The following SDHAF3 variants were observed in gnomAD, a reference collection of about 807,000 sequenced individuals.
SDHAF3 encodes the protein succinate dehydrogenase complex assembly factor 3.
SDHAF3 carries 18 observed loss-of-function variants against 11.5 expected under a neutral mutation model. The observed-to-expected ratio is 1.56, with a 90% CI of 1.08 to 2.32. SDHAF3 has a LOEUF of 2.32. Ranked by LOEUF, SDHAF3 falls within the 30% of genes most tolerant of loss-of-function variation. SDHAF3 has a pLI of 0.00. For missense variants in SDHAF3, 200 were observed against 154.4 expected, an observed-to-expected ratio of 1.30 and a Z score of -1.57; for synonymous variants, 72 against 59.3, an observed-to-expected ratio of 1.21 and a Z score of -0.99.
At chr7:97,168,842 C>T (rs189942768) in intron 1 of SDHAF3, among the ~76,000 whole-genome samples, 83 of 152,226 alleles carry the variant, frequency 5.5e-4, no homozygotes, top group Non-Finnish European at 8.2e-4. Context: ...TTCTTACATA[C>T]TTATTCTTAT....
intron 1 of SDHAF3, among the ~76,000 whole-genome samples, chr7:97,125,992 G>A (rs1488320699): frequency 6.6e-6 from 1 of 152,180 alleles, no homozygotes; most frequent in Non-Finnish European, 1.5e-5. Flanking sequence ...GGGGTTTTGT[G>A]TGAGGGTCTT....
chr7:97,122,251 C>T (rs1791513021), intron 1 of SDHAF3, among the ~76,000 whole-genome samples: 1 of 152,156 alleles, frequency 6.6e-6, no homozygotes, highest in South Asian at 2.1e-4. Context: ...AAAGAGGTGG[C>T]AGGAGACAGG....
At chr7:97,146,237 C>A (rs1789131937) in intron 1 of SDHAF3, among the ~76,000 whole-genome samples, 1 of 151,822 alleles carries the variant, frequency 6.6e-6, no homozygotes, top group Non-Finnish European at 1.5e-5. Flanking sequence ...ATGTTTTGTC[C>A]TGTCTATTAT....
intron 1 of SDHAF3, among the ~76,000 whole-genome samples, chr7:97,139,236 A>G (rs1229096372): frequency 6.6e-6 from 1 of 152,214 alleles, no homozygotes; most frequent in Non-Finnish European, 1.5e-5. Context: ...GAAGAGTTTT[A>G]TTGAACAACA....
intron 1 of SDHAF3, among the ~76,000 whole-genome samples, chr7:97,119,239 C>G (rs540564586): frequency 6.6e-6 from 1 of 151,956 alleles, no homozygotes; most frequent in South Asian, 2.1e-4. Flanking sequence ...ATTTTGTGGC[C>G]GTACAGGAAG....
chr7:97,130,425 C>T (rs187937885), intron 1 of SDHAF3, among the ~76,000 whole-genome samples: 16 of 152,288 alleles, frequency 1.1e-4, no homozygotes, highest in African/African-American at 2.9e-4. Context: ...AGCTCTGGCT[C>T]GGGAAGTCCT....
At chr7:97,139,886 A>G (rs931250523) in intron 1 of SDHAF3, among the ~76,000 whole-genome samples, 1 of 152,228 alleles carries the variant, frequency 6.6e-6, no homozygotes, top group Non-Finnish European at 1.5e-5. Flanking sequence ...TCCAATTGTC[A>G]GTACCTCTGG....
chr7:97,135,682 A>ATTTTT (rs56154838), intron 1 of SDHAF3: 2 of 61,834 alleles, frequency 3.2e-5, no homozygotes, highest in Non-Finnish European at 5.6e-5. Context: ...ATATATATAT[A>ATTTTT]TTTTTTTTTT....
intron 1 of SDHAF3, among the ~76,000 whole-genome samples, chr7:97,146,456 CTT>C (rs1789136511): frequency 6.6e-6 from 1 of 152,072 alleles, no homozygotes; most frequent in Admixed American, 6.5e-5. Context: ...AGGCAAAACA[CTT>C]TTTATTGTGA....
At chr7:97,180,389 A>AGTG (rs1789751204) in intron 1 of SDHAF3, among the ~76,000 whole-genome samples, 1 of 152,210 alleles carries the variant, frequency 6.6e-6, no homozygotes, top group African/African-American at 2.4e-5. Flanking sequence ...TAAAATTTTA[A>AGTG]GTGGGAGCTA....
intron 1 of SDHAF3, among the ~76,000 whole-genome samples, chr7:97,178,343 A>G (rs560542726): frequency 6.6e-6 from 1 of 152,244 alleles, no homozygotes; most frequent in African/African-American, 2.4e-5. Context: ...TGTGTATACA[A>G]GTATGTGTTT....
intron 1 of SDHAF3, among the ~76,000 whole-genome samples, chr7:97,150,387 A>G (rs944720806): frequency 3.3e-5 from 5 of 152,150 alleles, no homozygotes; most frequent in African/African-American, 1.2e-4. Flanking sequence ...TTCAAAATGT[A>G]TTTTTAAAAT....
At chr7:97,178,097 ATTCT>A (rs1789712202) in intron 1 of SDHAF3, among the ~76,000 whole-genome samples, 1 of 152,128 alleles carries the variant, frequency 6.6e-6, no homozygotes, top group South Asian at 2.1e-4. Flanking sequence ...AGTATTATCT[ATTCT>A]TTCTGTCTAT....
At chr7:97,135,637 C>CAT (rs1791748281) in intron 1 of SDHAF3, 1 of 85,396 alleles carries the variant, frequency 1.2e-5, no homozygotes, top group Non-Finnish European at 2.0e-5. Flanking sequence ...TATGTGCGTG[C>CAT]GTGTGTGTGT....
intron 1 of SDHAF3, among the ~76,000 whole-genome samples, chr7:97,156,832 T>A (rs1789308771): frequency 6.6e-6 from 1 of 152,246 alleles, no homozygotes; most frequent in African/African-American, 2.4e-5. Flanking sequence ...ATTATGTTTT[T>A]AATTATACTT....
At chr7:97,169,478 A>T (rs1789570621) in intron 1 of SDHAF3, among the ~76,000 whole-genome samples, 1 of 152,218 alleles carries the variant, frequency 6.6e-6, no homozygotes, top group Non-Finnish European at 1.5e-5. Context: ...AGTAAGAATT[A>T]TGCAGATTGC....
chr7:97,179,481 T>G (rs992292858), intron 1 of SDHAF3, among the ~76,000 whole-genome samples: 44 of 151,284 alleles, frequency 2.9e-4, no homozygotes, highest in South Asian at 1.2e-3. Context: ...TCCATTTTTT[T>G]TTTTTTTTTT....
chr7:97,126,618 A>G (rs1348585405), intron 1 of SDHAF3, among the ~76,000 whole-genome samples: 1 of 152,116 alleles, frequency 6.6e-6, no homozygotes, highest in Non-Finnish European at 1.5e-5. Flanking sequence ...CAGCCTACTC[A>G]AGCCTCAGTA....
Position 97,162,727 on chromosome 7 carries a change from T to C in SDHAF3, c.175-18285T>C, listed in dbSNP as rs374115764. Among the ~76,000 whole-genome samples the C allele has an allele frequency of 5.3e-5, 8 of 152,364 alleles. No individual in the cohort carries two copies. In the South Asian group the frequency reaches 8.3e-4, roughly 16 times the overall value. On this transcript the variant is annotated intron_variant, in intron 1 of 1. Transcript: ENST00000432641. ...GGGTGAGTTTCTTAATCCTCAGTTCTAATTTGATTGCACTGTGGTCTGAGA... is the reference window on the plus strand; with the variant it reads ...GGGTGAGTTTCTTAATCCTCAGTTCCAATTTGATTGCACTGTGGTCTGAGA...
Sources: allele counts gnomAD v4.1 joint callset (sites outside exome capture counted in the v4.1 genomes callset), GRCh38; gene constraint gnomAD v4.1.1; transcripts MANE v1.5; gene names NCBI Gene and HGNC (gene_info 2026-07-23, HGNC 2026-07-21).